PIBF1: variants seen among roughly 807,000 people sequenced by gnomAD.
The protein encoded by PIBF1 is progesterone immunomodulatory binding factor 1.
PIBF1 carries 90 observed loss-of-function variants against 112.5 expected under a neutral mutation model. That is an observed-to-expected ratio of 0.80 (90% confidence interval 0.67 to 0.95). The LOEUF is 0.95. PIBF1 is among the 40% of genes least tolerant of loss of function. The pLI is 0.00. For missense variants in PIBF1, 915 were observed against 852.3 expected (o/e 1.07, Z -0.92); for synonymous variants, 301 against 288.6 (o/e 1.04, Z -0.44).
At chr13:73,015,815 T>A (rs2044366128) in intron 17 of PIBF1, 54 bp from the exon 18 acceptor site, 3 of 1,137,260 alleles carry the variant, frequency 2.6e-6, no homozygotes. Flanking sequence ...GAGTTGCCTC[T>A]CTTGTCCTCC....
At chr13:72,835,528 C>T (rs1315153771) in intron 9 of PIBF1, among the ~76,000 whole-genome samples, 160 bp downstream of exon 9, 1 of 151,976 alleles carries the variant, frequency 6.6e-6, no homozygotes, top group Admixed American at 6.5e-5. Context: ...CATGAAAGTT[C>T]TAAAGTCTTA....
At chr13:72,990,475 C>G (rs1379244545) in intron 16 of PIBF1, among the ~76,000 whole-genome samples, 1 of 147,456 alleles carries the variant, frequency 6.8e-6, no homozygotes, top group African/African-American at 2.5e-5. Flanking sequence ...GAGCCAAGAT[C>G]GTGCCACTAC....
At chr13:72,969,123 T>C (rs560073017) in intron 15 of PIBF1, among the ~76,000 whole-genome samples, 4 of 152,288 alleles carry the variant, frequency 2.6e-5, no homozygotes, top group African/African-American at 9.6e-5. Context: ...ATCTTCATAA[T>C]ATACACAGAT....
At chr13:72,935,689 A>T (rs181291880) in intron 14 of PIBF1, among the ~76,000 whole-genome samples, 1 of 152,298 alleles carries the variant, frequency 6.6e-6, no homozygotes, top group East Asian at 1.9e-4. Flanking sequence ...ATTTTTCTAC[A>T]TCCTTGCCTT....
chr13:72,972,472 T>C (rs1186554761), intron 15 of PIBF1, among the ~76,000 whole-genome samples: 1 of 152,178 alleles, frequency 6.6e-6, no homozygotes, highest in Non-Finnish European at 1.5e-5. Context: ...GAGACCAGCC[T>C]GGCCAGCATG....
intron 2 of PIBF1, among the ~76,000 whole-genome samples, chr13:72,785,176 G>GA (rs937264653): frequency 1.3e-5 from 2 of 150,620 alleles, no homozygotes; most frequent in Admixed American, 6.6e-5. Context: ...TTTGAGGGGA[G>GA]AAAAAAAAAT....
intron 10 of PIBF1, among the ~76,000 whole-genome samples, chr13:72,881,758 A>G (rs911723227): frequency 2.6e-5 from 4 of 151,958 alleles, no homozygotes; most frequent in Admixed American, 6.6e-5. Flanking sequence ...AATGAAAACT[A>G]TAAAACACTG....
intron 8 of PIBF1, among the ~76,000 whole-genome samples, chr13:72,830,556 GT>G (rs2037056683): frequency 6.6e-6 from 1 of 152,122 alleles, no homozygotes; most frequent in Non-Finnish European, 1.5e-5. Flanking sequence ...GATTGGTTCT[GT>G]TTATGTGATG....
intron 14 of PIBF1, among the ~76,000 whole-genome samples, chr13:72,944,102 G>A (rs958961438): frequency 3.9e-5 from 6 of 152,048 alleles, no homozygotes; most frequent in African/African-American, 1.4e-4. Context: ...AATTTTTAAA[G>A]GAAATAATAG....
At chr13:72,823,027 C>G (rs778349405) in intron 6 of PIBF1, among the ~76,000 whole-genome samples, 4 of 152,054 alleles carry the variant, frequency 2.6e-5, no homozygotes, top group African/African-American at 9.7e-5. Context: ...CCCAGGAATT[C>G]GAGGCTGCAG....
chr13:72,804,318 AATATAAATTTT>A lies in PIBF1; in HGVS notation c.672+6295_672+6305del, dbSNP rs775883597. 9.8e-4 allele frequency among the ~76,000 whole-genome samples: 150 copies of A among 152,326 alleles called. 2 individuals carry two copies. In the Middle Eastern group the frequency reaches 0.02, roughly 21 times the overall value. The stretch of plus-strand genomic sequence containing the variant: ...TATGTATAATTTATATGTATAATTT[AATATAAATTTT>A]ATGTGACATGGGAACCTTCAGAAAT... On this transcript the variant is annotated intron_variant, in intron 5 of 17. Coordinates refer to ENST00000326291, the MANE Select transcript of PIBF1 (RefSeq NM_006346.4).
chr13:72,998,449 T>G (rs2043752090), intron 16 of PIBF1, among the ~76,000 whole-genome samples: 1 of 151,352 alleles, frequency 6.6e-6, no homozygotes, highest in Non-Finnish European at 1.5e-5. Flanking sequence ...CACTCCAGCC[T>G]GGGTGACAGT....
At chr13:72,865,849 A>T (rs2038904034) in intron 10 of PIBF1, among the ~76,000 whole-genome samples, 1 of 152,216 alleles carries the variant, frequency 6.6e-6, no homozygotes, top group Non-Finnish European at 1.5e-5. Context: ...TTTTGTTCTC[A>T]AATATACACA....
chr13:72,873,966 A>G (rs532024084), intron 10 of PIBF1, among the ~76,000 whole-genome samples: 81 of 152,316 alleles, frequency 5.3e-4, no homozygotes, highest in African/African-American at 1.9e-3. Flanking sequence ...AAGTAGAAAT[A>G]CAGATGACCA....
intron 10 of PIBF1, among the ~76,000 whole-genome samples, chr13:72,856,356 A>C (rs1055952054): frequency 6.6e-6 from 1 of 152,206 alleles, no homozygotes; most frequent in Admixed American, 6.5e-5. Flanking sequence ...CCTCATTTTC[A>C]AACTGCCAGA....
chr13:72,928,009 A>ATC, intron 13 of PIBF1, among the ~76,000 whole-genome samples: 1 of 47,058 alleles, frequency 2.1e-5, no homozygotes, highest in Non-Finnish European at 3.9e-5. Flanking sequence ...ATATATACAT[A>ATC]TATATACATA....
chr13:72,949,296 CTGTCTTTT>C (rs2042231722), intron 14 of PIBF1, among the ~76,000 whole-genome samples: 1 of 110,904 alleles, frequency 9.0e-6, no homozygotes, highest in African/African-American at 3.5e-5. Flanking sequence ...AGACAAATAG[CTGTCTTTT>C]TTTTTTTTTT....
chr13:72,814,109 G>T (rs983440608), intron 5 of PIBF1, among the ~76,000 whole-genome samples: 1 of 152,140 alleles, frequency 6.6e-6, no homozygotes, highest in African/African-American at 2.4e-5. Flanking sequence ...AGCTCTATTT[G>T]TTTATAGGAA....
chr13:72,789,436 C>G (rs1593884087), intron 2 of PIBF1, among the ~76,000 whole-genome samples: 1 of 152,102 alleles, frequency 6.6e-6, no homozygotes, highest in Admixed American at 6.5e-5. Context: ...ATCCTCCCAC[C>G]TTGGCCCCCC....
Sources: allele counts gnomAD v4.1 joint callset (sites outside exome capture counted in the v4.1 genomes callset), GRCh38; gene constraint gnomAD v4.1.1; transcripts MANE v1.5; gene names NCBI Gene and HGNC (gene_info 2026-07-23, HGNC 2026-07-21).